SNTB1: variants seen among roughly 807,000 people sequenced by gnomAD.
The protein encoded by SNTB1 is syntrophin beta 1.
SNTB1 carries 36 observed loss-of-function variants against 48.9 expected under a neutral mutation model. That is an observed-to-expected ratio of 0.74 (90% confidence interval 0.56 to 0.97). The LOEUF (loss-of-function observed/expected upper bound fraction) is 0.97. Ranked by LOEUF, SNTB1 falls within the 50% of genes least tolerant of loss-of-function variation. SNTB1 has a pLI of 0.00. For synonymous variants in SNTB1, 299 were observed against 294.6 expected (o/e 1.01, Z -0.15); for missense variants, 786 against 703.4 (o/e 1.12, Z -1.33).
At chr8:120,775,886 T>A (rs371537824) in intron 1 of SNTB1, among the ~76,000 whole-genome samples, 60 of 152,118 alleles carry the variant, frequency 3.9e-4, no homozygotes, top group East Asian at 9.7e-4. Context: ...CGGTTCTTTT[T>A]TTATTATTAT....
chr8:120,659,548 A>G (rs2129744929), intron 2 of SNTB1, among the ~76,000 whole-genome samples: 1 of 152,340 alleles, frequency 6.6e-6, no homozygotes, highest in Middle Eastern at 3.4e-3. Flanking sequence ...CCAAACACCC[A>G]TTAACATTGA....
In SNTB1 at chr8:120,582,701, T is replaced by C. The variant is rs371985751; in HGVS notation, c.997-7476A>G. On this transcript the variant is annotated intron_variant, in intron 3 of 6. Coordinates refer to ENST00000517992, the MANE Select transcript of SNTB1 (RefSeq NM_021021.4). ...GCATGTTCTCACTCGTAAGTGGGAGTTGAACAATGAGAACACATGGACACA... is the reference window on the plus strand; with the variant it reads ...GCATGTTCTCACTCGTAAGTGGGAGCTGAACAATGAGAACACATGGACACA... 2.4e-4 allele frequency among the ~76,000 whole-genome samples: 37 copies of C among 151,572 alleles called. No individual in the cohort carries two copies. The South Asian group carries it at 3.4e-3, about 14-fold the overall frequency.
chr8:120,714,620 C>G (rs547865631), intron 1 of SNTB1, among the ~76,000 whole-genome samples: 1 of 152,090 alleles, frequency 6.6e-6, no homozygotes, highest in African/African-American at 2.4e-5. Context: ...TGCTGAGTCC[C>G]CAAGCAAAAA....
At chr8:120,687,965 A>G (rs970089440) in intron 2 of SNTB1, among the ~76,000 whole-genome samples, 1 of 152,186 alleles carries the variant, frequency 6.6e-6, no homozygotes, top group Non-Finnish European at 1.5e-5. Context: ...GACATCACTA[A>G]GGGTACCTTG....
intron 4 of SNTB1, among the ~76,000 whole-genome samples, chr8:120,573,775 A>G (rs942622685): frequency 2.0e-5 from 3 of 152,136 alleles, no homozygotes; most frequent in Admixed American, 1.3e-4. Flanking sequence ...AGCACCATTT[A>G]TTGAAGAGAA....
intron 2 of SNTB1, among the ~76,000 whole-genome samples, chr8:120,667,495 G>C (rs902478778): frequency 6.6e-6 from 1 of 152,170 alleles, no homozygotes; most frequent in Admixed American, 6.5e-5. Context: ...TAATATGCAA[G>C]TTAAAATGTG....
chr8:120,795,515 A>C (rs1257177534), intron 1 of SNTB1, among the ~76,000 whole-genome samples: 1 of 148,390 alleles, frequency 6.7e-6, no homozygotes, highest in East Asian at 1.9e-4. Flanking sequence ...GATATTTGAC[A>C]AAGAGAAAAA....
chr8:120,811,460 C>T lies in SNTB1; in HGVS notation c.384G>A (p.Lys128=), dbSNP rs1657684309. The T allele has an allele frequency of 6.2e-7, 1 of 1,613,948 alleles. No homozygotes were observed. Among genetic ancestry groups the T allele is most frequent in the Non-Finnish European group, 8.5e-7 (1 of 1,179,942 alleles). Reference sequence around the variant, plus strand: ...TGGGCATCTTGTTCTCCTTGCCCCCCTTGATGCTGATCCCCAGCCCGCCCA... The same window carrying T: ...TGGGCATCTTGTTCTCCTTGCCCCCTTTGATGCTGATCCCCAGCCCGCCCA... ...QELGGLGISI[K]GGKENKMPIL... is the part of the protein sequence containing the mutation. The change falls in exon 1 of 7, where the codon AAG becomes AAA. Residue 128 remains lysine (K), a synonymous_variant. Coordinates refer to ENST00000517992, the MANE Select transcript of SNTB1 (RefSeq NM_021021.4).
intron 1 of SNTB1, among the ~76,000 whole-genome samples, chr8:120,756,882 G>A (rs974361687): frequency 2.6e-5 from 4 of 152,130 alleles, no homozygotes; most frequent in African/African-American, 9.7e-5. Flanking sequence ...AAGTCCCAAG[G>A]TCCAATTTTT....
intron 3 of SNTB1, among the ~76,000 whole-genome samples, chr8:120,619,591 T>G (rs757202384): frequency 1.3e-5 from 2 of 152,234 alleles, no homozygotes; most frequent in Non-Finnish European, 2.9e-5. Flanking sequence ...TCTGCCTCCC[T>G]AATTTTGTCA....
chr8:120,749,933 T>C (rs556881669), intron 1 of SNTB1, among the ~76,000 whole-genome samples: 3 of 152,310 alleles, frequency 2.0e-5, no homozygotes, highest in Admixed American at 6.5e-5. Flanking sequence ...CTTTCTAAGT[T>C]TTAAAGTTTT....
Position 120,693,922 on chromosome 8 carries a change from G to T in SNTB1, c.572-14C>A. ...GCATGTACTTCACTGCAAGGAAAAA[G>T]ACAACAAGTGCTTTTAATACATCAC... On this transcript the variant is annotated splice_polypyrimidine_tract_variant and intron_variant, in intron 1 of 6. Transcript: ENST00000517992. 1 of 1,596,642 alleles carries T rather than the reference G, an allele frequency of 6.3e-7. No homozygotes were observed.
At chr8:120,550,818 G>C (rs1164140303) in intron 4 of SNTB1, among the ~76,000 whole-genome samples, 2 of 152,182 alleles carry the variant, frequency 1.3e-5, no homozygotes, top group East Asian at 3.9e-4. Flanking sequence ...TTTAAAGGGA[G>C]TAAGGGTAAG....
At chr8:120,799,787 G>A (rs529819114) in intron 1 of SNTB1, among the ~76,000 whole-genome samples, 305 of 151,970 alleles carry the variant, frequency 2.0e-3, no homozygotes, top group Non-Finnish European at 3.4e-3. Flanking sequence ...CACACTTGGG[G>A]ACCAAAGAAA....
At chr8:120,696,589 C>T (rs1487373090) in intron 1 of SNTB1, among the ~76,000 whole-genome samples, 1 of 151,986 alleles carries the variant, frequency 6.6e-6, no homozygotes, top group African/African-American at 2.4e-5. Flanking sequence ...TTTTATTTAC[C>T]GAGCATCCAT....
At chr8:120,682,016 TA>T (rs375374007) in intron 2 of SNTB1, among the ~76,000 whole-genome samples, 2,786 of 150,568 alleles carry the variant, frequency 0.019, 45 homozygotes, top group Middle Eastern at 0.031. Context: ...CAAAATTCTA[TA>T]AAAAAATTCA....
At chr8:120,743,334 GGTAATTATAAAACACGGTTTT>G (rs1238776489) in intron 1 of SNTB1, among the ~76,000 whole-genome samples, 9 of 152,208 alleles carry the variant, frequency 5.9e-5, no homozygotes, top group South Asian at 2.1e-4. Context: ...GTAGCACAGA[GGTAATTATAAAACACGGTTTT>G]GTAATTATAA....
chr8:120,641,820 A>G (rs1027516453), intron 2 of SNTB1, among the ~76,000 whole-genome samples: 6 of 152,210 alleles, frequency 3.9e-5, no homozygotes, highest in Non-Finnish European at 8.8e-5. Flanking sequence ...TATAATCACT[A>G]TTCAAATTTC....
At chr8:120,586,892 T>C (rs952279023) in intron 3 of SNTB1, among the ~76,000 whole-genome samples, 3 of 152,198 alleles carry the variant, frequency 2.0e-5, no homozygotes, top group African/African-American at 7.2e-5. Context: ...TGGAGGTTCA[T>C]TATTGTTTTT....
Sources: allele counts gnomAD v4.1 joint callset (sites outside exome capture counted in the v4.1 genomes callset), GRCh38; gene constraint gnomAD v4.1.1; transcripts MANE v1.5; gene names NCBI Gene and HGNC (gene_info 2026-07-23, HGNC 2026-07-21).